The following OTUD7B variants were observed in gnomAD, a reference collection of about 807,000 sequenced individuals.
The protein encoded by OTUD7B is OTU domain-containing protein 7B.
In OTUD7B, 34 loss-of-function variants were observed where a neutral mutation model predicts 82.2. The observed-to-expected ratio is 0.41, with a 90% CI of 0.31 to 0.55. The LOEUF (loss-of-function observed/expected upper bound fraction) is 0.55, where lower values mean the gene tolerates loss of function less well. OTUD7B is among the 20% of genes least tolerant of loss of function. The probability of loss-of-function intolerance (pLI) is 0.20; values close to 1 mark genes in which losing one functional copy is unlikely to be tolerated. For missense variants in OTUD7B, 944 were observed against 1,062.1 expected, an observed-to-expected ratio of 0.89 and a Z score of 1.55; for synonymous variants, 398 against 402.7, an observed-to-expected ratio of 0.99 and a Z score of 0.14.
chr1:149,964,618 G>C (rs1386877631), intron 5 of OTUD7B, among the ~76,000 whole-genome samples: 1 of 151,978 alleles, frequency 6.6e-6, no homozygotes, highest in Non-Finnish European at 1.5e-5. Context: ...TTTTGAGACA[G>C]AGTTTCACTC....
the OTUD7B span, among the ~76,000 whole-genome samples, chr1:150,030,997 A>G: frequency 6.6e-6 from 1 of 151,542 alleles, no homozygotes; most frequent in Non-Finnish European, 1.5e-5. Flanking sequence ...GGGTCCTCGA[A>G]CTCCTGACCT....
At chr1:149,976,765 T>C (rs1553778660) in intron 2 of OTUD7B, among the ~76,000 whole-genome samples, 1 of 152,084 alleles carries the variant, frequency 6.6e-6, no homozygotes, top group African/African-American at 2.4e-5. Context: ...AAACCATGGA[T>C]GATCCCATCA....
rs782437350 is a variant in OTUD7B at position 149,944,760 on chromosome 1, G to T, written c.1629C>A (p.Ser543Arg). ...TCTTCTTCTCCAGTGTCTCAGTGCC[G>T]CTGCTTCCTCCCAACCCTGTCCCCA... ...GGVGTGLGGS[S>R]GTETLEKKKK... Residue 543 changes from serine to arginine, a missense_variant, in exon 12 of 12, where the codon AGC becomes AGA. By Grantham distance (110) the Ser-to-Arg change is moderately radical. Around this residue, in one of 3 missense-constraint regions of OTUD7B, gnomAD observed 412 missense variants for 418.7 expected, o/e 0.98. Transcript: ENST00000581312. 1 of 1,613,768 alleles carries T rather than the reference G, an allele frequency of 6.2e-7. No individual in the cohort carries two copies. The highest frequency in any genetic ancestry group is 8.5e-7 in the Non-Finnish European group (1 of 1,179,988).
At chr1:150,011,407 G>A (rs1553787389), upstream of OTUD7B, among the ~76,000 whole-genome samples, 1 of 152,282 alleles carries the variant, frequency 6.6e-6, no homozygotes, top group Admixed American at 6.5e-5. Flanking sequence ...ACTGCTCTCA[G>A]TGATACAGGG....
the OTUD7B span, among the ~76,000 whole-genome samples, chr1:150,025,892 T>A: frequency 6.6e-6 from 1 of 152,190 alleles, no homozygotes; most frequent in Admixed American, 6.5e-5. Context: ...CTGTTCATAC[T>A]TGAGACAAAA....
the OTUD7B span, among the ~76,000 whole-genome samples, chr1:150,059,100 C>CTGGAGTGCAG: frequency 2.8e-5 from 4 of 140,638 alleles, no homozygotes. Context: ...CTTGGCCAGG[C>CTGGAGTGCAG]TGGAGTGCAG....
upstream of OTUD7B, among the ~76,000 whole-genome samples, chr1:150,012,704 T>A (rs1653133017): frequency 6.6e-6 from 1 of 152,222 alleles, no homozygotes; most frequent in African/African-American, 2.4e-5. Flanking sequence ...GTCATTTAAG[T>A]GACCACACTT....
intron 7 of OTUD7B, among the ~76,000 whole-genome samples, chr1:149,953,281 C>G (rs1648403772): frequency 6.6e-6 from 1 of 152,132 alleles, no homozygotes; most frequent in African/African-American, 2.4e-5. Context: ...GCCAGTTTTC[C>G]CAGCACCATT....
At chr1:150,036,999 C>T in the OTUD7B span, among the ~76,000 whole-genome samples, 1 of 152,164 alleles carries the variant, frequency 6.6e-6, no homozygotes, top group Non-Finnish European at 1.5e-5. Context: ...TGCTCTTTTA[C>T]TGCTCCTATT....
intron 1 of OTUD7B, among the ~76,000 whole-genome samples, chr1:149,977,861 CA>C (rs1650433877): frequency 6.6e-6 from 1 of 152,132 alleles, no homozygotes; most frequent in African/African-American, 2.4e-5. Context: ...TTTGCTTACC[CA>C]AACTAAAGAA....
chr1:149,967,319 G>A lies in OTUD7B; in HGVS notation c.477C>T (p.Ser159=). The change falls in exon 4 of 12, where the codon TCC becomes TCT. Residue 159 remains serine, a synonymous_variant. Transcript: ENST00000581312. ...CTGCCTGTTCCAAGGCAACCAGCAT[G>A]GACTGCTCAATGAGGTCTCTCTCTA... The part of the protein sequence containing the change: ...SFIERDLIEQ[S]MLVALEQAGR... 1.2e-6 allele frequency: 2 copies of A among 1,613,830 alleles called. No individual in the cohort carries two copies. The highest frequency in any genetic ancestry group is 2.2e-5 in the South Asian group (2 of 91,020).
At chr1:149,960,846 C>G (rs1315597869) in intron 6 of OTUD7B, 1 of 151,324 alleles carries the variant, frequency 6.6e-6, no homozygotes, top group Non-Finnish European at 1.5e-5. Context: ...AACTATCACC[C>G]AAACATCCAA....
intron 5 of OTUD7B, 58 bp downstream of exon 5, chr1:149,965,719 G>T: frequency 8.0e-7 from 1 of 1,245,264 alleles, no homozygotes; most frequent in Non-Finnish European, 1.2e-6. Context: ...CTACACATGA[G>T]ATTTGACTCA....
At chr1:150,049,615 T>TGC in the OTUD7B span, among the ~76,000 whole-genome samples, 3 of 63,138 alleles carry the variant, frequency 4.8e-5, no homozygotes, top group Non-Finnish European at 8.5e-5. Flanking sequence ...TTTATTTTCC[T>TGC]TCTCTCTCTC....
At chr1:149,948,773 C>G (rs1553772677) in intron 10 of OTUD7B, among the ~76,000 whole-genome samples, 196 bp downstream of exon 10, 3 of 152,198 alleles carry the variant, frequency 2.0e-5, no homozygotes, top group Admixed American at 2.0e-4. Context: ...ATTCCCATCT[C>G]TTTCACAGGG....
chr1:150,062,784 G>A, the OTUD7B span, among the ~76,000 whole-genome samples: 5 of 130,310 alleles, frequency 3.8e-5, no homozygotes, highest in Admixed American at 3.9e-4. Flanking sequence ...GCGCGATCTC[G>A]GCTCACTGCA....
the OTUD7B span, among the ~76,000 whole-genome samples, chr1:150,051,415 C>G: frequency 6.6e-6 from 1 of 151,850 alleles, no homozygotes; most frequent in African/African-American, 2.4e-5. Flanking sequence ...GTTTATTGCT[C>G]TCTTTTTTTG....
chr1:149,949,489 C>A, intron 9 of OTUD7B, 140 bp downstream of exon 9: 2 of 852,198 alleles, frequency 2.3e-6, no homozygotes, highest in Non-Finnish European at 1.8e-6. Flanking sequence ...AAAACTCTGG[C>A]GTAACTTCTG....
chr1:149,949,490 G>T, intron 9 of OTUD7B, 139 bp downstream of exon 9: 1 of 855,012 alleles, frequency 1.2e-6, no homozygotes, highest in Non-Finnish European at 1.8e-6. Context: ...AAACTCTGGC[G>T]TAACTTCTGG....
Sources: allele counts gnomAD v4.1 joint callset (sites outside exome capture counted in the v4.1 genomes callset), GRCh38; gene constraint gnomAD v4.1.1; regional missense constraint gnomAD v4.1.1; transcripts MANE v1.5; gene names NCBI Gene and HGNC (gene_info 2026-07-23, HGNC 2026-07-21).